KCNS3: variants seen among roughly 807,000 people sequenced by gnomAD.
The protein encoded by KCNS3 is potassium voltage-gated channel modifier subfamily S member 3.
In KCNS3, 13 loss-of-function variants were observed where a neutral mutation model predicts 31.0. The observed-to-expected ratio is 0.42, with a 90% CI of 0.27 to 0.67. The LOEUF is 0.67. KCNS3 is among the 30% of genes least tolerant of loss of function. The pLI is 0.25. For missense variants in KCNS3, 545 were observed against 622.4 expected, an observed-to-expected ratio of 0.88 and a Z score of 1.32; for synonymous variants, 238 against 241.5, an observed-to-expected ratio of 0.99 and a Z score of 0.13.
rs1264776016 is a variant in KCNS3 at position 17,930,966 on chromosome 2, C to T, written c.-43C>T. On this transcript the variant is annotated 5_prime_UTR_variant, in exon 3 of 3. Coordinates refer to ENST00000304101, the MANE Select transcript of KCNS3 (RefSeq NM_002252.5). ...TCTTTCCAGGTGCAGCCTGATCTTC[C>T]TCTTCTCCCTTGCCAGCCAGCACTC... 1.8e-5 allele frequency: 28 copies of T among 1,584,734 alleles called. No individual in the cohort carries two copies. Among genetic ancestry groups the T allele is most frequent in the Non-Finnish European group, 2.4e-5 (28 of 1,165,052 alleles).
At chr2:17,904,607 T>G (rs1434455508) in intron 1 of KCNS3, among the ~76,000 whole-genome samples, 2 of 152,166 alleles carry the variant, frequency 1.3e-5, no homozygotes, top group African/African-American at 4.8e-5. Context: ...AACATTTAAG[T>G]CTTTAATCCA....
intron 2 of KCNS3, among the ~76,000 whole-genome samples, 200 bp downstream of exon 2, chr2:17,918,071 C>T (rs1176613933): frequency 2.6e-5 from 4 of 152,200 alleles, no homozygotes; most frequent in Admixed American, 1.3e-4. Context: ...TTAAGGGACA[C>T]CACTGGCCAA....
At chr2:17,913,363 T>C (rs150088938) in intron 1 of KCNS3, among the ~76,000 whole-genome samples, 1 of 152,378 alleles carries the variant, frequency 6.6e-6, no homozygotes, top group African/African-American at 2.4e-5. Context: ...AGTGGGCGTA[T>C]TCAGCAGGCT....
intron 1 of KCNS3, among the ~76,000 whole-genome samples, chr2:17,912,003 A>G (rs535347452): frequency 6.6e-6 from 1 of 152,268 alleles, no homozygotes; most frequent in African/African-American, 2.4e-5. Context: ...AACTTTTATT[A>G]TTTCAGCATT....
chr2:17,881,979 T>C (rs1237233050), intron 1 of KCNS3, among the ~76,000 whole-genome samples: 1 of 152,198 alleles, frequency 6.6e-6, no homozygotes, highest in African/African-American at 2.4e-5. Flanking sequence ...AGGGAAACAT[T>C]ATGGTGAGTT....
At chr2:17,926,496 C>T (rs888364131) in intron 2 of KCNS3, among the ~76,000 whole-genome samples, 4 of 152,262 alleles carry the variant, frequency 2.6e-5, no homozygotes, top group African/African-American at 9.6e-5. Flanking sequence ...TCTGCCTGGA[C>T]TTCCAGGCAT....
At chr2:17,884,280 T>C (rs1266226938) in intron 1 of KCNS3, among the ~76,000 whole-genome samples, 1 of 118,320 alleles carries the variant, frequency 8.5e-6, no homozygotes, top group Non-Finnish European at 1.7e-5. Flanking sequence ...TATATATATA[T>C]ATATATATAT....
At chr2:17,891,717 G>T (rs1661859434) in intron 1 of KCNS3, among the ~76,000 whole-genome samples, 1 of 152,156 alleles carries the variant, frequency 6.6e-6, no homozygotes, top group South Asian at 2.1e-4. Flanking sequence ...ATTCTTGGCT[G>T]ATAATTGTTT....
chr2:17,882,297 T>A (rs1674661517), intron 1 of KCNS3, among the ~76,000 whole-genome samples: 1 of 152,202 alleles, frequency 6.6e-6, no homozygotes, highest in South Asian at 2.1e-4. Context: ...CTATTGTGGT[T>A]TGTAGGAACT....
intron 1 of KCNS3, among the ~76,000 whole-genome samples, chr2:17,893,292 G>T (rs1661902899): frequency 6.6e-6 from 1 of 152,214 alleles, no homozygotes; most frequent in South Asian, 2.1e-4. Flanking sequence ...CCTGGAGTCT[G>T]TTTCCAGGTG....
At chr2:17,914,347 A>G (rs1232210785) in intron 1 of KCNS3, among the ~76,000 whole-genome samples, 1 of 152,186 alleles carries the variant, frequency 6.6e-6, no homozygotes, top group Non-Finnish European at 1.5e-5. Flanking sequence ...GAGTCAGAAC[A>G]AAGGGAAGTC....
intron 1 of KCNS3, among the ~76,000 whole-genome samples, chr2:17,884,276 T>A (rs1283495628): frequency 0.029 from 2,160 of 75,458 alleles, 27 homozygotes; most frequent in Non-Finnish European, 0.051. Flanking sequence ...AAAATATATA[T>A]ATATATATAT....
In KCNS3 at chr2:17,931,143, T is replaced by C; in HGVS notation, c.135T>C (p.Leu45=). The C allele has an allele frequency of 6.2e-7, 1 of 1,614,194 alleles. No individual in the cohort carries two copies. Among genetic ancestry groups the C allele is most frequent in the South Asian group, 1.1e-5 (1 of 91,084 alleles). Residue 45 remains leucine, a synonymous_variant, in exon 3 of 3, where the codon CTT becomes CTC. Coordinates refer to ENST00000304101, the MANE Select transcript of KCNS3 (RefSeq NM_002252.5). The surrounding 1 kb of genome is among the most constrained non-coding windows in gnomAD (Gnocchi z 5.4). ...RFPHTRLGKL[L]TCHSEEAILE... is the part of the protein sequence containing the mutation. ...CTCACACCAGACTGGGGAAGCTGCT[T>C]ACTTGCCATTCTGAAGAGGCCATTC...
chr2:17,888,928 A>G (rs1463510030), intron 1 of KCNS3, among the ~76,000 whole-genome samples: 2 of 151,528 alleles, frequency 1.3e-5, no homozygotes, highest in East Asian at 3.9e-4. Context: ...TTGGTTCCAT[A>G]TGGATTTTAG....
chr2:17,886,682 GTCCATCCA>G (rs61140648), intron 1 of KCNS3, among the ~76,000 whole-genome samples: 2,796 of 150,090 alleles, frequency 0.019, 79 homozygotes, highest in African/African-American at 0.063. Flanking sequence ...CCATCCGTCC[GTCCATCCA>G]TCCATCCATC....
intron 1 of KCNS3, among the ~76,000 whole-genome samples, chr2:17,914,283 T>C (rs1662540786): frequency 6.6e-6 from 1 of 152,200 alleles, no homozygotes; most frequent in Non-Finnish European, 1.5e-5. Context: ...CGTTTGCTCC[T>C]CATAGCAAGG....
chr2:17,925,625 AAG>A (rs1048066328), intron 2 of KCNS3, among the ~76,000 whole-genome samples: 3 of 152,120 alleles, frequency 2.0e-5, no homozygotes, highest in Non-Finnish European at 4.4e-5. Flanking sequence ...GAGAAGGGAA[AAG>A]AGCTTTTTAT....
At chr2:17,878,530 C>CT (rs1674559087), upstream of KCNS3, 1 of 151,186 alleles carries the variant, frequency 6.6e-6, no homozygotes, top group African/African-American at 2.4e-5. Flanking sequence ...CGCCCGGCTG[C>CT]GGGCCCGAAG....
chr2:17,886,228 G>C (rs1349480237), intron 1 of KCNS3, among the ~76,000 whole-genome samples: 1 of 152,176 alleles, frequency 6.6e-6, no homozygotes, highest in African/African-American at 2.4e-5. Context: ...ATTCTGCTAT[G>C]CACTGGATTG....
Sources: allele counts gnomAD v4.1 joint callset (sites outside exome capture counted in the v4.1 genomes callset), GRCh38; gene constraint gnomAD v4.1.1; non-coding constraint Gnocchi (gnomAD v3.1); transcripts MANE v1.5; gene names NCBI Gene and HGNC (gene_info 2026-07-23, HGNC 2026-07-21).